Variants in MYO16 observed in about 807,000 individuals in gnomAD.
MYO16 encodes the protein unconventional myosin-XVI.
MYO16 carries 94 observed loss-of-function variants against 205.3 expected under a neutral mutation model. The ratio of observed to expected loss-of-function variants is 0.46; its 90% CI spans 0.39 to 0.54. The LOEUF (loss-of-function observed/expected upper bound fraction) is 0.54, where lower values mean the gene tolerates loss of function less well. MYO16 is among the 20% of genes least tolerant of loss of function. MYO16 has a pLI of 0.00. For missense variants in MYO16, 2,315 were observed against 2,387.5 expected, an observed-to-expected ratio of 0.97 and a Z score of 0.63; for synonymous variants, 988 against 954.0, an observed-to-expected ratio of 1.04 and a Z score of -0.66.
At chr13:109,116,816 A>G (rs1386603698) in intron 28 of MYO16, among the ~76,000 whole-genome samples, 4 of 152,148 alleles carry the variant, frequency 2.6e-5, no homozygotes, top group African/African-American at 9.7e-5. Flanking sequence ...ATGGCTGGGA[A>G]GGAGCAGGGT....
At chr13:109,006,819 C>T (rs944774377) in intron 21 of MYO16, among the ~76,000 whole-genome samples, 2 of 152,092 alleles carry the variant, frequency 1.3e-5, no homozygotes, top group African/African-American at 4.8e-5. Flanking sequence ...ACTGAGTAAG[C>T]TCACAAAAGA....
chr13:108,849,778 G>C (rs111411473), intron 10 of MYO16, among the ~76,000 whole-genome samples: 1 of 139,716 alleles, frequency 7.2e-6, no homozygotes, highest in Non-Finnish European at 1.5e-5. Flanking sequence ...CCCCTAGACT[G>C]CCTTCCTCCA....
At chr13:108,589,089 A>G in the MYO16 span, among the ~76,000 whole-genome samples, 3 of 152,228 alleles carry the variant, frequency 2.0e-5, no homozygotes, top group Admixed American at 2.0e-4. Flanking sequence ...AGCTGAGAGC[A>G]GTGGTGAGGC....
At chr13:108,931,555 T>C (rs932202373) in intron 16 of MYO16, among the ~76,000 whole-genome samples, 6 of 152,194 alleles carry the variant, frequency 3.9e-5, no homozygotes, top group African/African-American at 1.4e-4. Context: ...TGTGTATCTG[T>C]ACTGTGGAAT....
intron 28 of MYO16, among the ~76,000 whole-genome samples, chr13:109,112,577 G>T (rs1889323100): frequency 6.6e-6 from 1 of 152,072 alleles, no homozygotes; most frequent in Non-Finnish European, 1.5e-5. Context: ...CCAACATGGA[G>T]AAACCCTGTT....
chr13:108,688,103 G>T (rs901184816), intron 2 of MYO16, among the ~76,000 whole-genome samples: 18 of 152,042 alleles, frequency 1.2e-4, no homozygotes, highest in Non-Finnish European at 2.1e-4. Flanking sequence ...GTTCAGTATT[G>T]GAGCTGGGTA....
intron 28 of MYO16, among the ~76,000 whole-genome samples, chr13:109,109,025 T>A (rs917434060): frequency 6.6e-6 from 1 of 152,132 alleles, no homozygotes; most frequent in African/African-American, 2.4e-5. Flanking sequence ...TAATAAAGAA[T>A]TGAGTTCTGG....
intron 21 of MYO16, among the ~76,000 whole-genome samples, chr13:108,998,737 G>A (rs1014487265): frequency 8.5e-5 from 13 of 152,142 alleles, no homozygotes; most frequent in African/African-American, 2.2e-4. Flanking sequence ...TCCATCAATC[G>A]CGAATCTAGA....
Position 108,892,250 on chromosome 13 carries a change from A to G in MYO16, c.1659+3773A>G, listed in dbSNP as rs374955434. 3.1e-3 allele frequency among the ~76,000 whole-genome samples: 479 copies of G among 152,218 alleles called. 1 individual carries two copies. Among genetic ancestry groups the G allele is most frequent in the African/African-American group, 0.011 (455 of 41,524 alleles). On this transcript the variant is annotated intron_variant, in intron 14 of 34. Coordinates refer to ENST00000457511, the MANE Select transcript of MYO16 (RefSeq NM_001198950.3). Reference sequence around the variant, plus strand: ...CTGCATAATTCTACAACAAGCTCAAAATAATTTTTTTTTTGAAATGGAGTC... The same window carrying G: ...CTGCATAATTCTACAACAAGCTCAAGATAATTTTTTTTTTGAAATGGAGTC...
At chr13:109,135,541 T>A (rs1248165254) in intron 31 of MYO16, among the ~76,000 whole-genome samples, 2 of 152,104 alleles carry the variant, frequency 1.3e-5, no homozygotes, top group African/African-American at 4.8e-5. Flanking sequence ...CAAGCTGGAG[T>A]GCAGTGGCTA....
rs570667699 is a variant in MYO16, at chr13:108,804,922, G to T, written c.742-1757G>T. The stretch of plus-strand genomic sequence containing the variant: ...TGGTGAGAGCCAATTTTTGCTGTAT[G>T]GAAAGCAAATCTAATCCTGCAGGGA... On this transcript the variant is annotated intron_variant, in intron 6 of 34. Coordinates refer to ENST00000457511, the MANE Select transcript of MYO16 (RefSeq NM_001198950.3). Among the ~76,000 whole-genome samples, 423 of 152,298 alleles carry T rather than the reference G, an allele frequency of 2.8e-3. 2 individuals carry two copies. Among genetic ancestry groups the T allele is most frequent in the Middle Eastern group, 0.01 (3 of 294 alleles).
At chr13:108,641,941 A>C (rs73604766) in intron 1 of MYO16, among the ~76,000 whole-genome samples, 10,360 of 152,224 alleles carry the variant, frequency 0.068, 566 homozygotes, top group African/African-American at 0.15. Flanking sequence ...GGGAGGCAGC[A>C]CATCCCTCCA....
In MYO16 at chr13:109,055,257, AC is replaced by A; in HGVS notation, c.3129+132del. ...AAAAAAAGTAAACATACACACACAC[AC>A]ACACACACACACACACAGAGTAAAT... On this transcript the variant is annotated intron_variant, in intron 26 of 34. Transcript: ENST00000457511. This position sits in a 1 kb window ranked among gnomAD's most constrained non-coding sequence, Gnocchi z 5.0. 7 of 902,326 alleles carry A rather than the reference AC, an allele frequency of 7.8e-6. No homozygotes were observed. The highest frequency in any genetic ancestry group is 1.2e-5 in the Non-Finnish European group (7 of 592,334). 55.9% of individuals were successfully genotyped at this position (902,326 alleles called of 1,614,324 possible).
intron 27 of MYO16, among the ~76,000 whole-genome samples, chr13:109,100,336 A>G (rs1418702230): frequency 6.6e-6 from 1 of 152,194 alleles, no homozygotes; most frequent in African/African-American, 2.4e-5. Context: ...TCAAATAAGT[A>G]TTCTGAATGG....
intron 14 of MYO16, among the ~76,000 whole-genome samples, chr13:108,893,463 A>G (rs1176735384): frequency 1.3e-5 from 2 of 152,202 alleles, no homozygotes; most frequent in Admixed American, 1.3e-4. Context: ...TGTTTTGCTT[A>G]AAGTAGAAAT....
At chr13:109,180,408 A>T (rs1879406433) in intron 34 of MYO16, among the ~76,000 whole-genome samples, 1 of 152,234 alleles carries the variant, frequency 6.6e-6, no homozygotes, top group African/African-American at 2.4e-5. Context: ...CAAACCACCC[A>T]TTAGAGAGAC....
chr13:108,956,333 A>C (rs1883346589), intron 16 of MYO16, among the ~76,000 whole-genome samples: 2 of 151,010 alleles, frequency 1.3e-5, no homozygotes, highest in Admixed American at 6.6e-5. Context: ...CCCTCTCCCC[A>C]TCCGTCCTCT....
chr13:108,643,359 T>A (rs914586323), intron 1 of MYO16, among the ~76,000 whole-genome samples: 4 of 152,220 alleles, frequency 2.6e-5, no homozygotes, highest in Non-Finnish European at 5.9e-5. Flanking sequence ...CTGAGTGGTG[T>A]TCGGTGGTGT....
At chr13:108,848,830 A>G (rs1336826977) in intron 10 of MYO16, among the ~76,000 whole-genome samples, 1 of 152,174 alleles carries the variant, frequency 6.6e-6, no homozygotes, top group African/African-American at 2.4e-5. Flanking sequence ...AAAAAAGTTA[A>G]GCAAATTGTC....
Sources: gnomAD v4.1 joint callset for allele counts (sites outside exome capture counted in the v4.1 genomes callset) on GRCh38, gnomAD v4.1.1 for gene constraint, Gnocchi (gnomAD v3.1) non-coding constraint, MANE v1.5 for transcripts, NCBI Gene and HGNC (gene_info 2026-07-23, HGNC 2026-07-21) for gene names.